CACNA1C: variants seen among roughly 807,000 people sequenced by gnomAD.
CACNA1C encodes the protein calcium voltage-gated channel subunit alpha1 C.
Under a neutral mutation model 229.0 loss-of-function variants are expected in CACNA1C, and 30 were observed. The observed-to-expected ratio is 0.13, with a 90% CI of 0.10 to 0.18. CACNA1C has a LOEUF of 0.18. CACNA1C is among the 10% of genes least tolerant of loss of function. The probability of loss-of-function intolerance (pLI) is 1.00; values close to 1 mark genes in which losing one functional copy is unlikely to be tolerated. For synonymous variants in CACNA1C, 1,114 were observed against 1,132.5 expected (o/e 0.98, Z 0.33); for missense variants, 1,658 against 2,845.0 (o/e 0.58, Z 9.49).
intron 5 of CACNA1C, among the ~76,000 whole-genome samples, chr12:2,475,254 A>G (rs7294932): frequency 1.3e-5 from 2 of 151,116 alleles, no homozygotes; most frequent in South Asian, 2.1e-4. Flanking sequence ...AGCCGAGATC[A>G]CGCCACTGCA....
intron 7 of CACNA1C, among the ~76,000 whole-genome samples, chr12:2,495,941 C>G (rs185540035): frequency 6.6e-6 from 1 of 152,214 alleles, no homozygotes; most frequent in Non-Finnish European, 1.5e-5. Flanking sequence ...GACCTTTCTA[C>G]GGCTGTTTCT....
chr12:2,516,016 G>T (rs373042101), intron 9 of CACNA1C, among the ~76,000 whole-genome samples: 2 of 147,646 alleles, frequency 1.4e-5, no homozygotes, highest in East Asian at 4.0e-4. Context: ...TTCTAGTAGA[G>T]AGACAGGTGG....
chr12:2,525,871 G>A (rs2099817764), intron 9 of CACNA1C, among the ~76,000 whole-genome samples: 1 of 152,242 alleles, frequency 6.6e-6, no homozygotes, highest in Non-Finnish European at 1.5e-5. Context: ...GTACTGAACT[G>A]TTAATCACCG....
At chr12:2,213,093 G>T (rs2097978455) in intron 3 of CACNA1C, among the ~76,000 whole-genome samples, 1 of 152,154 alleles carries the variant, frequency 6.6e-6, no homozygotes, top group African/African-American at 2.4e-5. Flanking sequence ...TGCCTCTGGG[G>T]CTGGGGCCCG....
chr12:2,268,558 G>C (rs879746494), intron 3 of CACNA1C, among the ~76,000 whole-genome samples: 6 of 152,132 alleles, frequency 3.9e-5, no homozygotes, highest in African/African-American at 7.2e-5. Flanking sequence ...TTCGCCCCAT[G>C]GTGGGATGGC....
intron 30 of CACNA1C, among the ~76,000 whole-genome samples, chr12:2,643,791 C>G (rs974052444): frequency 2.0e-5 from 3 of 152,098 alleles, no homozygotes; most frequent in African/African-American, 7.2e-5. Context: ...AGCCCCTGAC[C>G]CCTGCCATTC....
chr12:2,593,443 C>T, intron 19 of CACNA1C, 98 bp downstream of exon 19: 1 of 1,236,720 alleles, frequency 8.1e-7, no homozygotes, highest in Non-Finnish European at 1.1e-6. Flanking sequence ...GAGACTGAGA[C>T]TCTCCCAGCT....
intron 34 of CACNA1C, among the ~76,000 whole-genome samples, chr12:2,657,138 A>G (rs2095466472): frequency 6.6e-6 from 1 of 152,214 alleles, no homozygotes; most frequent in African/African-American, 2.4e-5. Context: ...AGAATGAAAA[A>G]TGAATCAAAG....
chr12:2,555,503 G>A (rs1414672931), intron 10 of CACNA1C, among the ~76,000 whole-genome samples: 1 of 152,148 alleles, frequency 6.6e-6, no homozygotes. Context: ...GCTCAGCATG[G>A]CCCCGCTGGA....
chr12:2,387,421 G>A (rs1055298086), intron 3 of CACNA1C, among the ~76,000 whole-genome samples: 5 of 152,178 alleles, frequency 3.3e-5, no homozygotes, highest in Admixed American at 2.6e-4. Context: ...GGAGGCAGGG[G>A]TTGCAGTGAG....
intron 13 of CACNA1C, among the ~76,000 whole-genome samples, chr12:2,572,475 TCTCCTCTTCCTC>T (rs2055848571): frequency 1.9e-4 from 1 of 5,356 alleles, no homozygotes; most frequent in Admixed American, 2.6e-3. Flanking sequence ...TCTTCCTCCT[TCTCCTCTTCCTC>T]CTCCTCCTCC....
At chr12:2,513,604 G>T (rs150564166) in intron 9 of CACNA1C, among the ~76,000 whole-genome samples, 1 of 152,216 alleles carries the variant, frequency 6.6e-6, no homozygotes, top group Non-Finnish European at 1.5e-5. Flanking sequence ...GCCCCTTGTT[G>T]GATAGGCTGT....
intron 18 of CACNA1C, among the ~76,000 whole-genome samples, chr12:2,589,371 A>T (rs536646803): frequency 2.0e-5 from 3 of 152,360 alleles, no homozygotes; most frequent in Non-Finnish European, 2.9e-5. Context: ...CTCTGAGGAC[A>T]CAGCATTTGA....
intron 3 of CACNA1C, among the ~76,000 whole-genome samples, chr12:2,256,090 C>CT (rs142296568): frequency 8.6e-5 from 3 of 34,872 alleles, no homozygotes; most frequent in Non-Finnish European, 1.4e-4. Flanking sequence ...TACAATCACA[C>CT]CTCCTGTTTC....
chr12:2,458,815 G>A (rs1298726144), intron 5 of CACNA1C, among the ~76,000 whole-genome samples: 2 of 152,040 alleles, frequency 1.3e-5, no homozygotes, highest in Non-Finnish European at 2.9e-5. Flanking sequence ...GTTCATGCAC[G>A]GAATAGTGAA....
chr12:2,519,975 G>A (rs1749923635), intron 9 of CACNA1C, among the ~76,000 whole-genome samples: 1 of 152,246 alleles, frequency 6.6e-6, no homozygotes, highest in Admixed American at 6.5e-5. Flanking sequence ...TGTATACAGT[G>A]CGAAGTAGGC....
chr12:2,146,112 CAAA>C lies in CACNA1C; in HGVS notation c.477+25684_477+25686del, dbSNP rs1462437343. On this transcript the variant is annotated intron_variant, in intron 3 of 46. Transcript: ENST00000399655. ...TTCTAATTCAACACTGGGATAGTAA[CAAA>C]AGAAGAGAGGGGTTATTATCACCCC... Among the ~76,000 whole-genome samples, 7 of 151,076 alleles carry C rather than the reference CAAA, an allele frequency of 4.6e-5. 1 individual carries two copies. The highest frequency in any genetic ancestry group is 1.0e-4 in the Non-Finnish European group (7 of 67,588).
intron 3 of CACNA1C, among the ~76,000 whole-genome samples, chr12:2,437,940 AGTGGTG>A (rs1186557609): frequency 8.3e-5 from 10 of 120,556 alleles, no homozygotes; most frequent in African/African-American, 3.3e-4. Context: ...GTGGCAGTGG[AGTGGTG>A]GTGGTGGTGA....
At position 2,493,169 on chromosome 12, in the gene CACNA1C, GTCT is replaced by G; in HGVS notation, c.917-14_917-12del. 2 of 1,608,534 alleles carry G rather than the reference GTCT, an allele frequency of 1.2e-6. No homozygotes were observed. The highest frequency in any genetic ancestry group is 1.1e-5 in the South Asian group (1 of 90,886). ...TCCCTCCCTGCTGCTCCCGTCTCCT[GTCT>G]TCTTCTGGCCATTTGAGATGTTCCA... On this transcript the variant is annotated intron_variant, in intron 6 of 46. Transcript: ENST00000399655. This position sits in a 1 kb window ranked among gnomAD's most constrained non-coding sequence, Gnocchi z 4.6.
Sources: allele counts gnomAD v4.1 joint callset (sites outside exome capture counted in the v4.1 genomes callset), GRCh38; gene constraint gnomAD v4.1.1; non-coding constraint Gnocchi (gnomAD v3.1); transcripts MANE v1.5; gene names NCBI Gene and HGNC (gene_info 2026-07-23, HGNC 2026-07-21).